EYA4: variants seen among roughly 807,000 people sequenced by gnomAD.
The protein encoded by EYA4 is protein phosphatase EYA4.
In EYA4, 31 loss-of-function variants were observed where a neutral mutation model predicts 87.9. That is an observed-to-expected ratio of 0.35 (90% CI 0.27 to 0.48). EYA4 has a LOEUF of 0.48. EYA4 is among the 20% of genes least tolerant of loss of function. EYA4 has a pLI of 0.99. For synonymous variants in EYA4, 263 were observed against 270.6 expected (o/e 0.97, Z 0.28); for missense variants, 678 against 761.4 (o/e 0.89, Z 1.29).
chr6:133,333,452 C>A (rs575734288), intron 2 of EYA4, among the ~76,000 whole-genome samples: 136 of 152,306 alleles, frequency 8.9e-4, no homozygotes, highest in African/African-American at 3.2e-3. Context: ...ATGACCATAA[C>A]AGTTTACTCT....
intron 3 of EYA4, among the ~76,000 whole-genome samples, chr6:133,433,211 G>A (rs1791344393): frequency 6.6e-6 from 1 of 152,150 alleles, no homozygotes; most frequent in African/African-American, 2.4e-5. Flanking sequence ...ATAATTAGGA[G>A]GCAGTGATAA....
At chr6:133,317,472 A>G (rs1161493979) in intron 2 of EYA4, among the ~76,000 whole-genome samples, 1 of 152,130 alleles carries the variant, frequency 6.6e-6, no homozygotes, top group Non-Finnish European at 1.5e-5. Context: ...GTATGTAATT[A>G]ATAATAATGT....
chr6:133,352,585 C>A (rs1783722398), intron 2 of EYA4, among the ~76,000 whole-genome samples: 1 of 152,004 alleles, frequency 6.6e-6, no homozygotes, highest in Non-Finnish European at 1.5e-5. Context: ...ATTTTTCTAA[C>A]AGATATGTGA....
At position 133,268,485 on chromosome 6, in the gene EYA4, A is replaced by G. The variant is rs181654704; in HGVS notation, c.-65-6231A>G. On this transcript the variant is annotated intron_variant, in intron 1 of 19. Transcript: ENST00000355286. Reference sequence around the variant, plus strand: ...TGGCTAATTTGTTATCAAGGTAATGAGGAGAAAATGGCTCTAAAGGAGAAG... The same window carrying G: ...TGGCTAATTTGTTATCAAGGTAATGGGGAGAAAATGGCTCTAAAGGAGAAG... 2.2e-3 allele frequency among the ~76,000 whole-genome samples: 329 copies of G among 152,318 alleles called. 1 individual carries two copies. The highest frequency in any genetic ancestry group is 3.4e-3 in the Admixed American group (52 of 15,302).
rs554565700 is a variant in EYA4 at position 133,269,335 on chromosome 6, A to G, written c.-65-5381A>G. Among the ~76,000 whole-genome samples the G allele has an allele frequency of 9.2e-5, 14 of 152,234 alleles. No individual in the cohort carries two copies. In the South Asian group the frequency reaches 2.5e-3, roughly 27 times the overall value. On this transcript the variant is annotated intron_variant, in intron 1 of 19. Coordinates refer to ENST00000355286, the MANE Select transcript of EYA4 (RefSeq NM_004100.5). The stretch of plus-strand genomic sequence containing the variant: ...TGTGCTTGATAATCCACCATATCCT[A>G]TATACCCTCCCTTCCCTTTTCATAT...
intron 2 of EYA4, among the ~76,000 whole-genome samples, chr6:133,368,808 A>G (rs1356392895): frequency 1.3e-5 from 2 of 152,234 alleles, no homozygotes; most frequent in Admixed American, 6.5e-5. Flanking sequence ...AGCAGCTGAC[A>G]CTAGTAGGGA....
chr6:133,325,356 G>A (rs12201595), intron 2 of EYA4: 5,061 of 152,230 alleles, frequency 0.033, 120 homozygotes, highest in Non-Finnish European at 0.047. Context: ...AACAATGGGA[G>A]CTGTACAGGA....
chr6:133,352,405 C>A, intron 2 of EYA4, among the ~76,000 whole-genome samples: 1 of 152,162 alleles, frequency 6.6e-6, no homozygotes, highest in Non-Finnish European at 1.5e-5. Context: ...AATGAAACAA[C>A]ATGGAAAATG....
chr6:133,350,716 T>G (rs1156428867), intron 2 of EYA4, among the ~76,000 whole-genome samples: 1 of 152,086 alleles, frequency 6.6e-6, no homozygotes, highest in Non-Finnish European at 1.5e-5. Flanking sequence ...TTGCTACATC[T>G]TCACATTTGC....
At chr6:133,384,293 T>C (rs1359164223) in intron 3 of EYA4, among the ~76,000 whole-genome samples, 1 of 152,128 alleles carries the variant, frequency 6.6e-6, no homozygotes, top group Non-Finnish European at 1.5e-5. Flanking sequence ...CTTAAAAATA[T>C]AATTTTATTT....
intron 2 of EYA4, among the ~76,000 whole-genome samples, chr6:133,285,558 AC>A (rs369367235): frequency 1.1e-4 from 16 of 152,188 alleles, no homozygotes; most frequent in African/African-American, 1.9e-4. Flanking sequence ...TAAAGCTTAA[AC>A]TTTTTCTCTT....
At chr6:133,454,597 G>A (rs1252557448) in intron 5 of EYA4, among the ~76,000 whole-genome samples, 1 of 152,066 alleles carries the variant, frequency 6.6e-6, no homozygotes. Flanking sequence ...ACTGTTGAGA[G>A]GAGTAAATCA....
Position 133,468,499 on chromosome 6 carries a change from G to A in EYA4, c.805-67G>A. 2.3e-6 allele frequency: 3 copies of A among 1,301,080 alleles called. No individual in the cohort carries two copies. The Admixed American group carries it at 5.1e-5, about 22-fold the overall frequency. The allele number at this position is 1,301,080 out of a possible 1,614,324, so 80.6% of individuals were successfully genotyped here. A position where few individuals can be genotyped will look rare whatever the true frequency, so the allele number is the denominator to read the frequency against. ...AATCTTTCAGTTACCATAATGACTGGTTTTCTTGGGAGAGTATTAAAGAGT... is the reference window on the plus strand; with the variant it reads ...AATCTTTCAGTTACCATAATGACTGATTTTCTTGGGAGAGTATTAAAGAGT... On this transcript the variant is annotated intron_variant, in intron 10 of 19. Coordinates refer to ENST00000355286, the MANE Select transcript of EYA4 (RefSeq NM_004100.5).
At chr6:133,357,776 G>A (rs1017663368) in intron 2 of EYA4, among the ~76,000 whole-genome samples, 3 of 152,138 alleles carry the variant, frequency 2.0e-5, no homozygotes, top group South Asian at 2.1e-4. Flanking sequence ...TTAAGGGAAG[G>A]TAAAGGGGTC....
intron 2 of EYA4, among the ~76,000 whole-genome samples, chr6:133,298,235 G>T (rs1019745119): frequency 2.6e-5 from 4 of 152,128 alleles, no homozygotes; most frequent in Admixed American, 6.5e-5. Context: ...AAGTCTTTGA[G>T]TCTATCTTTG....
chr6:133,369,402 T>C (rs1785098163), intron 2 of EYA4, among the ~76,000 whole-genome samples: 1 of 152,140 alleles, frequency 6.6e-6, no homozygotes, highest in Admixed American at 6.5e-5. Flanking sequence ...TTATAAAATA[T>C]ATTACATAAA....
chr6:133,360,787 G>C (rs1171961591), intron 2 of EYA4: 3 of 152,134 alleles, frequency 2.0e-5, no homozygotes, highest in Non-Finnish European at 2.9e-5. Flanking sequence ...TATTTAGTCA[G>C]AAACCGGGAT....
chr6:133,442,949 A>C (rs2128614401), intron 3 of EYA4, among the ~76,000 whole-genome samples: 1 of 152,204 alleles, frequency 6.6e-6, no homozygotes, highest in South Asian at 2.1e-4. Context: ...TCCACATGTG[A>C]AATCAGCTTT....
intron 2 of EYA4, among the ~76,000 whole-genome samples, chr6:133,317,926 A>G (rs1236052087): frequency 6.9e-6 from 1 of 144,946 alleles, no homozygotes; most frequent in East Asian, 2.0e-4. Flanking sequence ...CCATCCACCC[A>G]TTCCCTCATC....
Sources: allele counts gnomAD v4.1 joint callset (sites outside exome capture counted in the v4.1 genomes callset), GRCh38; gene constraint gnomAD v4.1.1; transcripts MANE v1.5; gene names NCBI Gene and HGNC (gene_info 2026-07-23, HGNC 2026-07-21).